The following ICE2 variants were observed in gnomAD, a reference collection of about 807,000 sequenced individuals.
ICE2 encodes interactor of little elongation complex ELL subunit 2, also known as little elongation complex subunit 2.
A neutral mutation model predicts 105.4 loss-of-function variants in ICE2; 87 were observed. The observed-to-expected ratio is 0.83, with a 90% CI of 0.69 to 0.99. The LOEUF (loss-of-function observed/expected upper bound fraction) is 0.99, where lower values mean the gene tolerates loss of function less well. Ranked by LOEUF, ICE2 falls within the 50% of genes least tolerant of loss-of-function variation. ICE2 has a pLI of 0.00. For synonymous variants in ICE2, 399 were observed against 392.0 expected (o/e 1.02, Z -0.21); for missense variants, 1,323 against 1,146.7 (o/e 1.15, Z -2.22).
At chr15:60,475,942 GTTGTTTTACTTTAAACA>G (rs2064749083) in intron 3 of ICE2, 104 bp downstream of exon 3, 7 of 631,870 alleles carry the variant, frequency 1.1e-5, no homozygotes, top group Middle Eastern at 3.9e-4. Context: ...AGTGTTAAAA[GTTGTTTTACTTTAAACA>G]TTTCTATAAT....
rs111403149 is a variant in ICE2, at chr15:60,420,605, T to C, written c.*3029A>G. 1 of 152,254 alleles carries C rather than the reference T, an allele frequency of 6.6e-6. No individual in the cohort carries two copies. The highest frequency in any genetic ancestry group is 2.4e-5 in the African/African-American group (1 of 41,468). The allele number at this position is 152,254 out of a possible 1,614,324, so 9.4% of individuals were successfully genotyped here. Reference sequence around the variant, plus strand: ...TTTTCTCTCTCATCTCCCATGTTCATAGCCTATAATCTCTCCAACTTTCAC... The same window carrying C: ...TTTTCTCTCTCATCTCCCATGTTCACAGCCTATAATCTCTCCAACTTTCAC... On this transcript the variant is annotated 3_prime_UTR_variant, in exon 16 of 16. Coordinates refer to ENST00000261520, the MANE Select transcript of ICE2 (RefSeq NM_024611.6).
In ICE2 at chr15:60,423,577, CTAAAT is replaced by C. The variant is rs1222322662; in HGVS notation, c.*52_*56del. 4.7e-6 allele frequency: 7 copies of C among 1,484,404 alleles called. No homozygotes were observed. Among genetic ancestry groups the C allele is most frequent in the Non-Finnish European group, 6.3e-6 (7 of 1,111,652 alleles). The allele number at this position is 1,484,404 out of a possible 1,614,324, so 92.0% of individuals were successfully genotyped here. ...ACTGATTATTTTCCCTCAAACTTAT[CTAAAT>C]TAAACACTGTTATAACTGTTTTTTT... On this transcript the variant is annotated 3_prime_UTR_variant, in exon 16 of 16. Coordinates refer to ENST00000261520, the MANE Select transcript of ICE2 (RefSeq NM_024611.6).
chr15:60,451,145 G>T, intron 9 of ICE2: 1 of 786,268 alleles, frequency 1.3e-6, no homozygotes, highest in African/African-American at 1.9e-5. Flanking sequence ...AGAAAAATTT[G>T]ACAGAGACAC....
Position 60,466,684 on chromosome 15 carries a change from A to G in ICE2, c.438T>C (p.Val146=). The G allele has an allele frequency of 6.2e-7, 1 of 1,609,126 alleles. No individual in the cohort carries two copies. Among genetic ancestry groups the G allele is most frequent in the Non-Finnish European group, 8.5e-7 (1 of 1,178,876 alleles). Residue 146 remains valine (V), a synonymous_variant, in exon 5 of 16, where the codon GTT becomes GTC. Transcript: ENST00000261520. ...TCTGCAAAAACTTTAGGAACTCAGTAACTTCTTCGTTCACATGTTTTTTCA... is the reference window on the plus strand; with the variant it reads ...TCTGCAAAAACTTTAGGAACTCAGTGACTTCTTCGTTCACATGTTTTTTCA... ...LDMKKHVNEE[V]TEFLKFLQNS...
chr15:60,461,624 T>C (rs1046399384), intron 5 of ICE2, among the ~76,000 whole-genome samples: 2 of 152,216 alleles, frequency 1.3e-5, no homozygotes, highest in Non-Finnish European at 2.9e-5. Flanking sequence ...AGTAATCGTA[T>C]TGATCACTAG....
intron 15 of ICE2, among the ~76,000 whole-genome samples, chr15:60,425,012 A>G (rs2063310947): frequency 6.6e-6 from 1 of 152,102 alleles, no homozygotes; most frequent in South Asian, 2.1e-4. Context: ...CCGTCCAGTC[A>G]ATTTCAGGCC....
intron 5 of ICE2, among the ~76,000 whole-genome samples, chr15:60,464,782 C>A (rs1478437465): frequency 6.6e-6 from 1 of 152,138 alleles, no homozygotes; most frequent in African/African-American, 2.4e-5. Flanking sequence ...CTCTGAGAGG[C>A]TGACGCAGAA....
In ICE2 at chr15:60,449,548, A is replaced by G. The variant is rs2063910231; in HGVS notation, c.1419T>C (p.Gly473=). Residue 473 remains glycine, a synonymous_variant, in exon 10 of 16, where the codon GGT becomes GGC. Coordinates refer to ENST00000261520, the MANE Select transcript of ICE2 (RefSeq NM_024611.6). ...QLQKEKQLVT[G]MDGGPEECKN... ...TGCATTCCTCAGGGCCACCATCCAT[A>G]CCAGTGACCAGCTGTTTCTCCTTTT... 3 of 1,614,116 alleles carry G rather than the reference A, an allele frequency of 1.9e-6. No homozygotes were observed. In the East Asian group the frequency reaches 6.7e-5, roughly 36 times the overall value.
chr15:60,426,165 T>C (rs1030074667), intron 15 of ICE2, among the ~76,000 whole-genome samples: 2 of 152,208 alleles, frequency 1.3e-5, no homozygotes, highest in Non-Finnish European at 2.9e-5. Flanking sequence ...CCAAATACAG[T>C]CACATTTTGG....
At chr15:60,433,968 G>C (rs1393667762) in intron 13 of ICE2, among the ~76,000 whole-genome samples, 3 of 152,106 alleles carry the variant, frequency 2.0e-5, no homozygotes, top group African/African-American at 7.2e-5. Context: ...TTCAAATTTA[G>C]ATCTGGGACC....
At position 60,449,705 on chromosome 15, in the gene ICE2, C is replaced by T. The variant is rs1284506452; in HGVS notation, c.1262G>A (p.Ser421Asn). ...TGTCATGTTAGGTACTGTGGAAGTACTTGCTGGACTTGGTGATTTTGATAC... is the reference window on the plus strand; with the variant it reads ...TGTCATGTTAGGTACTGTGGAAGTATTTGCTGGACTTGGTGATTTTGATAC... ...TKVSKSPSPASTSTVPNMTDA... is the reference protein window; with the variant it reads ...TKVSKSPSPANTSTVPNMTDA... Residue 421 changes from serine (S) to asparagine (N), a missense_variant, in exon 10 of 16, where the codon AGT (serine) becomes AAT (asparagine). Physicochemically the swap from Ser to Asn is conservative, Grantham distance 46. Transcript: ENST00000261520. 6.2e-7 allele frequency: 1 copy of T among 1,614,120 alleles called. No individual in the cohort carries two copies. The highest frequency in any genetic ancestry group is 1.1e-5 in the South Asian group (1 of 91,084).
chr15:60,451,504 A>C (rs2063965909), intron 9 of ICE2: 1 of 984,862 alleles, frequency 1.0e-6, no homozygotes, highest in Non-Finnish European at 1.2e-6. Context: ...TGGACCACAG[A>C]AATCAAAATA....
intron 1 of ICE2, 142 bp downstream of exon 1, chr15:60,478,861 G>A (rs1260720201): frequency 9.3e-6 from 4 of 431,424 alleles, no homozygotes; most frequent in Non-Finnish European, 1.9e-5. Context: ...GCAAAGCAGG[G>A]GTAGGAGCCG....
chr15:60,445,837 T>TA, intron 11 of ICE2: 1 of 933,004 alleles, frequency 1.1e-6, no homozygotes, highest in Admixed American at 6.2e-5. Flanking sequence ...AGTAGGAAGT[T>TA]AAAGAAATGA....
chr15:60,448,673 C>G (rs1363171772), intron 10 of ICE2, among the ~76,000 whole-genome samples, 175 bp downstream of exon 10: 1 of 151,980 alleles, frequency 6.6e-6, no homozygotes, highest in Non-Finnish European at 1.5e-5. Context: ...GTATACATAT[C>G]TAGAGAGGAT....
intron 5 of ICE2, among the ~76,000 whole-genome samples, chr15:60,465,979 T>C (rs1424105930): frequency 6.6e-6 from 1 of 152,088 alleles, no homozygotes; most frequent in Non-Finnish European, 1.5e-5. Context: ...CTCGAACTCC[T>C]GACCTCAGGT....
chr15:60,444,170 T>G (rs1179001657), intron 11 of ICE2, among the ~76,000 whole-genome samples: 1 of 152,080 alleles, frequency 6.6e-6, no homozygotes, highest in African/African-American at 2.4e-5. Flanking sequence ...CTGAAAAAAG[T>G]TGACTGAGAA....
chr15:60,478,201 C>G, intron 1 of ICE2, 132 bp from the exon 2 acceptor site: 1 of 567,992 alleles, frequency 1.8e-6, no homozygotes, highest in East Asian at 2.9e-5. Context: ...TACAGCAGAC[C>G]CAAGGTTCTT....
intron 15 of ICE2, among the ~76,000 whole-genome samples, chr15:60,424,420 A>ATGGGCAAATGGGAAGAGGGGGATTTGAG (rs56371232): frequency 6.7e-6 from 1 of 149,336 alleles, no homozygotes; most frequent in Admixed American, 6.6e-5. Flanking sequence ...AATACAGAGG[A>ATGGGCAAATGGGAAGAGGGGGATTTGAG]TGGGGGAAGG....
Sources: allele counts gnomAD v4.1 joint callset (sites outside exome capture counted in the v4.1 genomes callset), GRCh38; gene constraint gnomAD v4.1.1; transcripts MANE v1.5; gene names NCBI Gene and HGNC (gene_info 2026-07-23, HGNC 2026-07-21).